STAM2: variants seen among roughly 807,000 people sequenced by gnomAD.
STAM2 encodes signal transducing adapter molecule 2.
In STAM2, 51 loss-of-function variants were observed where a neutral mutation model predicts 65.6. The observed-to-expected ratio is 0.78, with a 90% confidence interval of 0.62 to 0.98. The LOEUF is 0.98. Ranked by LOEUF, STAM2 falls within the 50% of genes least tolerant of loss-of-function variation. The pLI is 0.00. For synonymous variants in STAM2, 198 were observed against 208.4 expected, an observed-to-expected ratio of 0.95 and a Z score of 0.43; for missense variants, 584 against 617.8, an observed-to-expected ratio of 0.95 and a Z score of 0.58.
rs528840111 is a variant in STAM2 at position 152,121,256 on chromosome 2, G to A, written c.1350-454C>T. Among the ~76,000 whole-genome samples the A allele has an allele frequency of 6.6e-5, 10 of 152,308 alleles. No individual in the cohort carries two copies. In the East Asian group the frequency reaches 1.3e-3, roughly 21 times the overall value. ...CTCAAAGCGTTGGGATTACAGGCAT[G>A]AGCCACCATGCCGAGCTTGTTAATG... On this transcript the variant is annotated intron_variant, in intron 13 of 13. Coordinates refer to ENST00000263904, the MANE Select transcript of STAM2 (RefSeq NM_005843.6).
chr2:152,150,579 T>C (rs989172008), intron 1 of STAM2, among the ~76,000 whole-genome samples: 8 of 152,162 alleles, frequency 5.3e-5, no homozygotes, highest in Non-Finnish European at 1.2e-4. Flanking sequence ...GGCAGGAAGA[T>C]CGTTTGAGGC....
intron 1 of STAM2, among the ~76,000 whole-genome samples, chr2:152,173,732 T>C (rs1326456577): frequency 6.6e-6 from 1 of 152,190 alleles, no homozygotes; most frequent in African/African-American, 2.4e-5. Flanking sequence ...TGAAAAGTTT[T>C]AAGATATTAA....
intron 1 of STAM2, among the ~76,000 whole-genome samples, chr2:152,172,910 G>A (rs1378818849): frequency 6.6e-6 from 1 of 151,648 alleles, no homozygotes; most frequent in East Asian, 1.9e-4. Context: ...GGAAGGAGAG[G>A]ATAGTGTCAA....
intron 2 of STAM2, among the ~76,000 whole-genome samples, chr2:152,148,967 C>A (rs1018602436): frequency 6.6e-6 from 1 of 152,066 alleles, no homozygotes; most frequent in Non-Finnish European, 1.5e-5. Context: ...TTAAGAGGTT[C>A]AAGTATAAAC....
chr2:152,158,683 G>C (rs1294776711), intron 1 of STAM2, among the ~76,000 whole-genome samples: 2 of 151,998 alleles, frequency 1.3e-5, no homozygotes, highest in African/African-American at 2.4e-5. Flanking sequence ...CCTGAAACTG[G>C]GTAGTTCGTA....
At chr2:152,159,167 A>C (rs567732397) in intron 1 of STAM2, among the ~76,000 whole-genome samples, 1 of 145,792 alleles carries the variant, frequency 6.9e-6, no homozygotes, top group Non-Finnish European at 1.5e-5. Context: ...GCTGGGCACC[A>C]TGGTGGTGCA....
chr2:152,169,110 T>C (rs1689853354), intron 1 of STAM2, among the ~76,000 whole-genome samples: 1 of 151,962 alleles, frequency 6.6e-6, no homozygotes, highest in Non-Finnish European at 1.5e-5. Flanking sequence ...ATGACAAATA[T>C]CACTAAGTGA....
At chr2:152,153,581 G>C (rs1163775361) in intron 1 of STAM2, among the ~76,000 whole-genome samples, 1 of 152,062 alleles carries the variant, frequency 6.6e-6, no homozygotes, top group Non-Finnish European at 1.5e-5. Flanking sequence ...ACAAACCAGG[G>C]TTTTTAGAAA....
chr2:152,125,547 G>T (rs914608509), intron 12 of STAM2, among the ~76,000 whole-genome samples: 1 of 152,150 alleles, frequency 6.6e-6, no homozygotes, highest in African/African-American at 2.4e-5. Context: ...ACTGACAAAT[G>T]TAAGTATTCG....
chr2:152,153,327 TCA>T (rs1689482082), intron 1 of STAM2, among the ~76,000 whole-genome samples: 1 of 151,818 alleles, frequency 6.6e-6, no homozygotes, highest in Non-Finnish European at 1.5e-5. Flanking sequence ...ACAGGTAATA[TCA>T]CAGTGATCAT....
At chr2:152,164,883 G>A (rs998703981) in intron 1 of STAM2, among the ~76,000 whole-genome samples, 3 of 152,050 alleles carry the variant, frequency 2.0e-5, no homozygotes, top group Non-Finnish European at 4.4e-5. Flanking sequence ...CTATTAAAAA[G>A]GCAAAAATCC....
intron 1 of STAM2, among the ~76,000 whole-genome samples, chr2:152,160,146 G>A (rs533761566): frequency 7.9e-5 from 12 of 152,162 alleles, no homozygotes; most frequent in Admixed American, 5.2e-4. Context: ...CTGCCCGGCC[G>A]CCACCCCGTC....
rs1034037751 is a variant in STAM2, at chr2:152,118,443, T to C, written c.*2131A>G. 4.1e-5 allele frequency: 6 copies of C among 146,466 alleles called. No homozygotes were observed. Among genetic ancestry groups the C allele is most frequent in the African/African-American group, 1.6e-4 (6 of 38,452 alleles). The allele number at this position is 146,466 out of a possible 1,614,324, so 9.1% of individuals were successfully genotyped here. ...CACCGATGTGCCAATATATACTATATATTTATATATATATATATGTGTCAT... is the reference window on the plus strand; with the variant it reads ...CACCGATGTGCCAATATATACTATACATTTATATATATATATATGTGTCAT... On this transcript the variant is annotated 3_prime_UTR_variant, in exon 14 of 14. Coordinates refer to ENST00000263904, the MANE Select transcript of STAM2 (RefSeq NM_005843.6).
chr2:152,160,490 CG>C (rs1689645792), intron 1 of STAM2, among the ~76,000 whole-genome samples: 1 of 151,376 alleles, frequency 6.6e-6, no homozygotes, highest in Admixed American at 6.6e-5. Context: ...CCCCTCCGCC[CG>C]GCAGCCGCCC....
chr2:152,154,573 G>A (rs529382521), intron 1 of STAM2, among the ~76,000 whole-genome samples: 107 of 152,230 alleles, frequency 7.0e-4, no homozygotes, highest in African/African-American at 2.5e-3. Context: ...AGACAAGATC[G>A]CACCACTGCA....
chr2:152,141,824 C>T (rs905889736), intron 7 of STAM2, among the ~76,000 whole-genome samples: 2 of 151,764 alleles, frequency 1.3e-5, no homozygotes, highest in Admixed American at 6.6e-5. Context: ...CTCCTGACCT[C>T]GTGATCCGCC....
intron 1 of STAM2, among the ~76,000 whole-genome samples, chr2:152,152,179 G>A (rs1435109225): frequency 2.6e-5 from 4 of 152,144 alleles, no homozygotes; most frequent in Non-Finnish European, 5.9e-5. Flanking sequence ...GGGCTCAAAT[G>A]ATCTGCCCAC....
chr2:152,166,672 GA>G (rs986015407), intron 1 of STAM2, among the ~76,000 whole-genome samples: 32 of 146,114 alleles, frequency 2.2e-4, no homozygotes, highest in Admixed American at 4.8e-4. Context: ...ATTAATGTTT[GA>G]AAAAAAAAAA....
At position 152,120,637 on chromosome 2, in the gene STAM2, C is replaced by T; in HGVS notation, c.1515G>A (p.Val505=). The T allele has an allele frequency of 1.2e-6, 2 of 1,614,098 alleles. No homozygotes were observed. The highest frequency in any genetic ancestry group is 2.2e-5 in the South Asian group (2 of 91,080). ...GTGCAACTGGATGAGCTGGAACTGT[C>T]ACCGGAAAGCCTGCCAGTTGAGGCA... ...SNLPQLAGFP[V]TVPAHPVAQQ... The change falls in exon 14 of 14, where the codon GTG becomes GTA. Residue 505 remains valine (V), a synonymous_variant. Transcript: ENST00000263904.
Sources: gnomAD v4.1 joint callset for allele counts (sites outside exome capture counted in the v4.1 genomes callset) on GRCh38, gnomAD v4.1.1 for gene constraint, MANE v1.5 for transcripts, NCBI Gene and HGNC (gene_info 2026-07-23, HGNC 2026-07-21) for gene names.